GADL1: variants seen among roughly 807,000 people sequenced by gnomAD.
GADL1 encodes GAD like acidic amino acid decarboxylase 1, also known as acidic amino acid decarboxylase GADL1.
A neutral mutation model predicts 69.5 loss-of-function variants in GADL1; 71 were observed. That is an observed-to-expected ratio of 1.02 (90% CI 0.84 to 1.25). GADL1 has a LOEUF of 1.25. Among genes scored for constraint, GADL1 ranks in the 50% most tolerant of loss-of-function variants. GADL1 has a pLI of 0.00. For synonymous variants in GADL1, 254 were observed against 214.4 expected, an observed-to-expected ratio of 1.18 and a Z score of -1.62; for missense variants, 737 against 631.8, an observed-to-expected ratio of 1.17 and a Z score of -1.79.
chr3:30,861,333 T>C (rs1157768944), intron 2 of GADL1, among the ~76,000 whole-genome samples: 1 of 151,706 alleles, frequency 6.6e-6, no homozygotes, highest in Non-Finnish European at 1.5e-5. Flanking sequence ...CTGTGCTTCA[T>C]GTCCTTATGT....
chr3:30,798,886 T>C (rs1452545291), intron 12 of GADL1: 3 of 152,052 alleles, frequency 2.0e-5, no homozygotes, highest in Non-Finnish European at 4.4e-5. Flanking sequence ...AAGTCTGAAT[T>C]CCAGCAGGGC....
intron 11 of GADL1, among the ~76,000 whole-genome samples, chr3:30,805,904 C>T (rs372255616): frequency 1.4e-4 from 21 of 151,968 alleles, no homozygotes; most frequent in African/African-American, 2.2e-4. Flanking sequence ...ATCCCTCTTA[C>T]GCACGGTTCA....
chr3:30,760,976 ATATT>A (rs986467941), intron 14 of GADL1, among the ~76,000 whole-genome samples: 1 of 49,818 alleles, frequency 2.0e-5, no homozygotes, highest in Non-Finnish European at 4.7e-5. Flanking sequence ...TGGCTAATAA[ATATT>A]TACCTAGACT....
intron 1 of GADL1, among the ~76,000 whole-genome samples, chr3:30,893,686 C>T (rs1353174465): frequency 2.6e-5 from 4 of 152,064 alleles, no homozygotes; most frequent in Non-Finnish European, 1.5e-5. Flanking sequence ...CTCCCTGGGA[C>T]ATTAAAAGGT....
At chr3:30,857,198 A>T in intron 2 of GADL1, 57 bp from the exon 3 acceptor site, 1 of 1,493,036 alleles carries the variant, frequency 6.7e-7, no homozygotes, top group South Asian at 1.2e-5. Flanking sequence ...TATTGAGAGG[A>T]TGTTACAAAC....
At chr3:30,829,285 C>T (rs1203308267) in intron 11 of GADL1, among the ~76,000 whole-genome samples, 2 of 151,810 alleles carry the variant, frequency 1.3e-5, no homozygotes, top group Admixed American at 1.3e-4. Flanking sequence ...AGAGCATCAG[C>T]TGTGCTTTGT....
At chr3:30,842,827 A>T (rs1370922446) in intron 8 of GADL1, among the ~76,000 whole-genome samples, 4 of 146,678 alleles carry the variant, frequency 2.7e-5, no homozygotes, top group African/African-American at 8.0e-5. Flanking sequence ...ATGTTTAAAA[A>T]AAAAAAAAAA....
chr3:30,811,229 A>G (rs565439750), intron 11 of GADL1, among the ~76,000 whole-genome samples: 242 of 152,324 alleles, frequency 1.6e-3, no homozygotes, highest in Non-Finnish European at 2.6e-3. Context: ...GCTGCTTAGA[A>G]AATGAGGAGA....
At chr3:30,859,260 T>A (rs1346990982) in intron 2 of GADL1, among the ~76,000 whole-genome samples, 1 of 151,852 alleles carries the variant, frequency 6.6e-6, no homozygotes, top group East Asian at 1.9e-4. Flanking sequence ...AAATACCAAG[T>A]TGTGCAAGTA....
intron 6 of GADL1, among the ~76,000 whole-genome samples, chr3:30,844,873 C>T (rs546682019): frequency 1.3e-5 from 2 of 152,250 alleles, no homozygotes; most frequent in East Asian, 3.9e-4. Flanking sequence ...TGTTGTTTTC[C>T]ATCCCATTGA....
intron 14 of GADL1, among the ~76,000 whole-genome samples, chr3:30,760,951 G>A (rs974993699): frequency 1.3e-5 from 2 of 148,292 alleles, no homozygotes; most frequent in African/African-American, 2.5e-5. Flanking sequence ...GTCCTGTGCT[G>A]TTCTAAAAAA....
chr3:30,878,118 G>A (rs977988513), intron 1 of GADL1, among the ~76,000 whole-genome samples: 6 of 151,880 alleles, frequency 4.0e-5, no homozygotes, highest in African/African-American at 1.4e-4. Context: ...CCTGACTCTG[G>A]CCCCCAAGTA....
chr3:30,757,716 C>G (rs1392394881), intron 14 of GADL1, among the ~76,000 whole-genome samples: 1 of 152,136 alleles, frequency 6.6e-6, no homozygotes, highest in East Asian at 1.9e-4. Context: ...TTCACAAAAT[C>G]ACAAGAATTT....
At chr3:30,886,777 C>T (rs147808672) in intron 1 of GADL1, among the ~76,000 whole-genome samples, 14 of 152,280 alleles carry the variant, frequency 9.2e-5, no homozygotes, top group African/African-American at 3.4e-4. Context: ...TTGTTGTGTG[C>T]AAGGTCACAG....
intron 2 of GADL1, among the ~76,000 whole-genome samples, chr3:30,860,875 C>T (rs1160106464): frequency 6.6e-6 from 1 of 152,004 alleles, no homozygotes; most frequent in Middle Eastern, 3.4e-3. Flanking sequence ...CATATTTGAC[C>T]TCTTTGTGCC....
At chr3:30,852,787 T>G (rs894043337) in intron 4 of GADL1, among the ~76,000 whole-genome samples, 13 of 152,102 alleles carry the variant, frequency 8.5e-5, no homozygotes, top group African/African-American at 2.7e-4. Context: ...TAGCAGCAAT[T>G]TAACACTCCT....
At chr3:30,834,335 C>T in intron 9 of GADL1, 54 bp from the exon 10 acceptor site, 1 of 1,469,568 alleles carries the variant, frequency 6.8e-7, no homozygotes, top group Non-Finnish European at 9.5e-7. Flanking sequence ...TATTTGTTTA[C>T]CAGTGGGTTG....
At chr3:30,799,462 T>TG (rs745422375) in intron 12 of GADL1, 14 of 152,162 alleles carry the variant, frequency 9.2e-5, no homozygotes, top group Non-Finnish European at 1.8e-4. Context: ...GCACACAGCT[T>TG]GGGGACCCTG....
intron 14 of GADL1, among the ~76,000 whole-genome samples, chr3:30,754,416 C>A (rs1286026112): frequency 6.6e-6 from 1 of 152,108 alleles, no homozygotes; most frequent in Non-Finnish European, 1.5e-5. Flanking sequence ...AACCATAAGC[C>A]TTAAAAGCAT....
Sources: allele counts gnomAD v4.1 joint callset (sites outside exome capture counted in the v4.1 genomes callset), GRCh38; gene constraint gnomAD v4.1.1; transcripts MANE v1.5; gene names NCBI Gene and HGNC (gene_info 2026-07-23, HGNC 2026-07-21).